Variants in TMCC1 observed in about 807,000 individuals in gnomAD.
TMCC1 encodes transmembrane and coiled-coil domains protein 1.
In TMCC1, 15 loss-of-function variants were observed where a neutral mutation model predicts 52.4. That is an observed-to-expected ratio of 0.29 (90% confidence interval 0.19 to 0.44). The LOEUF is 0.44. Among genes scored for constraint, TMCC1 ranks in the 20% least tolerant of loss-of-function variants. The probability of loss-of-function intolerance (pLI) is 1.00; values close to 1 mark genes in which losing one functional copy is unlikely to be tolerated. For synonymous variants in TMCC1, 279 were observed against 301.9 expected, an observed-to-expected ratio of 0.92 and a Z score of 0.79; for missense variants, 503 against 806.0, an observed-to-expected ratio of 0.62 and a Z score of 4.55.
intron 4 of TMCC1, among the ~76,000 whole-genome samples, chr3:129,805,550 TAC>T (rs796497084): frequency 1.5e-4 from 23 of 152,268 alleles, no homozygotes; most frequent in African/African-American, 5.3e-4. Flanking sequence ...GTCTAGCACA[TAC>T]ACAGTCTGTT....
intron 4 of TMCC1, chr3:129,688,674 C>G: frequency 1.0e-6 from 1 of 985,478 alleles, no homozygotes; most frequent in Non-Finnish European, 1.2e-6. Context: ...AAAGCTTCTG[C>G]CAAACAAGCA....
intron 2 of TMCC1, among the ~76,000 whole-genome samples, chr3:129,867,769 A>G (rs1325650400): frequency 2.0e-5 from 3 of 152,236 alleles, no homozygotes; most frequent in African/African-American, 4.8e-5. Flanking sequence ...CATAGTAGAA[A>G]TAAGTTTTTA....
chr3:129,853,854 A>G (rs1314079419), intron 2 of TMCC1, among the ~76,000 whole-genome samples: 2 of 152,150 alleles, frequency 1.3e-5, no homozygotes, highest in Non-Finnish European at 2.9e-5. Flanking sequence ...AGTGAAGAGC[A>G]CTAAGTTAAA....
chr3:129,671,181 A>G lies in TMCC1; in HGVS notation c.660T>C (p.Ser220=). ...SSTDGSIHTD[S]VDGTPDPQRT... is the part of the protein sequence containing the mutation. ...GCTGAGGGTCTGGTGTTCCATCCAC[A>G]GAGTCTGTGTGGATGCTGCCATCGG... Residue 220 remains serine (S), a synonymous_variant, in exon 5 of 7, where the codon TCT becomes TCC. Coordinates refer to ENST00000393238, the MANE Select transcript of TMCC1 (RefSeq NM_001017395.5). 1 of 1,614,186 alleles carries G rather than the reference A, an allele frequency of 6.2e-7. No homozygotes were observed. The highest frequency in any genetic ancestry group is 1.1e-5 in the South Asian group (1 of 91,084).
At chr3:129,798,524 C>CAAAAAAAAAAAAAAAAAAA (rs796919072) in intron 4 of TMCC1, among the ~76,000 whole-genome samples, 1 of 67,900 alleles carries the variant, frequency 1.5e-5, no homozygotes, top group Non-Finnish European at 3.2e-5. Context: ...TCTTCCTATC[C>CAAAAAAAAAAAAAAAAAAA]AAAAAAAAAA....
At chr3:129,728,536 G>A (rs373702535) in intron 4 of TMCC1, among the ~76,000 whole-genome samples, 3 of 152,012 alleles carry the variant, frequency 2.0e-5, no homozygotes, top group Non-Finnish European at 4.4e-5. Context: ...TGCCCATCTC[G>A]GCCTCCCAAA....
At chr3:129,682,929 G>A (rs952551815) in intron 4 of TMCC1, among the ~76,000 whole-genome samples, 1 of 152,174 alleles carries the variant, frequency 6.6e-6, no homozygotes, top group African/African-American at 2.4e-5. Flanking sequence ...TCCGCCTCCC[G>A]GGTTCAACTG....
chr3:129,770,627 G>A (rs201003618), intron 4 of TMCC1, among the ~76,000 whole-genome samples: 188 of 137,282 alleles, frequency 1.4e-3, no homozygotes, highest in African/African-American at 4.0e-3. Context: ...GAAATGAAAT[G>A]AAATGAAATA....
At chr3:129,840,957 GA>G (rs570766415) in intron 2 of TMCC1, among the ~76,000 whole-genome samples, 150 of 152,302 alleles carry the variant, frequency 9.8e-4, no homozygotes, top group African/African-American at 3.5e-3. Flanking sequence ...CTGGGTAACA[GA>G]CAGAGGCTGG....
At chr3:129,745,822 A>C (rs1378296792) in intron 4 of TMCC1, among the ~76,000 whole-genome samples, 1 of 151,378 alleles carries the variant, frequency 6.6e-6, no homozygotes, top group African/African-American at 2.4e-5. Context: ...AAATTAGCTG[A>C]GTGTGGTGGC....
chr3:129,754,960 C>A (rs983161896), intron 4 of TMCC1, among the ~76,000 whole-genome samples: 2 of 152,020 alleles, frequency 1.3e-5, no homozygotes, highest in African/African-American at 4.8e-5. Flanking sequence ...CGCCTGCAAT[C>A]CCAGCTACTC....
At chr3:129,886,512 C>T (rs116931481) in intron 1 of TMCC1, among the ~76,000 whole-genome samples, 1 of 152,250 alleles carries the variant, frequency 6.6e-6, no homozygotes, top group East Asian at 1.9e-4. Flanking sequence ...TCAGAACAGC[C>T]TACTGATGAA....
chr3:129,750,482 G>T (rs766681328), intron 4 of TMCC1, among the ~76,000 whole-genome samples: 1 of 151,686 alleles, frequency 6.6e-6, no homozygotes, highest in African/African-American at 2.4e-5. Context: ...ATGAGCCACC[G>T]TGCTCAGCCT....
At chr3:129,667,947 G>A (rs1665742638) in intron 5 of TMCC1, among the ~76,000 whole-genome samples, 2 of 152,266 alleles carry the variant, frequency 1.3e-5, no homozygotes, top group South Asian at 2.1e-4. Flanking sequence ...AGCACTTTGG[G>A]AGGCCAAGGA....
At chr3:129,808,647 T>C (rs1302966126) in intron 4 of TMCC1, among the ~76,000 whole-genome samples, 2 of 151,672 alleles carry the variant, frequency 1.3e-5, no homozygotes, top group African/African-American at 4.8e-5. Flanking sequence ...AGTGTAATCA[T>C]ATTATACTAC....
chr3:129,651,359 T>C lies in TMCC1; in HGVS notation c.*122A>G. ...TTGAAGAAAAAAACATTATTCTAAATGTAAACAGATTCACTCAACTCTTTT... is the reference window on the plus strand; with the variant it reads ...TTGAAGAAAAAAACATTATTCTAAACGTAAACAGATTCACTCAACTCTTTT... On this transcript the variant is annotated 3_prime_UTR_variant, in exon 7 of 7. Coordinates refer to ENST00000393238, the MANE Select transcript of TMCC1 (RefSeq NM_001017395.5). The surrounding 1 kb of genome is among the most constrained non-coding windows in gnomAD (Gnocchi z 5.1). 9.1e-7 allele frequency: 1 copy of C among 1,096,310 alleles called. No homozygotes were observed. Among genetic ancestry groups the C allele is most frequent in the Non-Finnish European group, 1.3e-6 (1 of 764,388 alleles). The allele number at this position is 1,096,310 out of a possible 1,614,324, so 67.9% of individuals were successfully genotyped here. A position where few individuals can be genotyped will look rare whatever the true frequency, so the allele number is the denominator to read the frequency against.
intron 2 of TMCC1, among the ~76,000 whole-genome samples, chr3:129,873,221 G>T (rs547817590): frequency 9.8e-4 from 149 of 152,098 alleles, no homozygotes; most frequent in African/African-American, 3.3e-3. Flanking sequence ...AATTAATGGA[G>T]CTTTAATTCT....
chr3:129,653,215 G>T (rs1435016095), intron 6 of TMCC1, among the ~76,000 whole-genome samples: 2 of 152,194 alleles, frequency 1.3e-5, no homozygotes, highest in South Asian at 2.1e-4. Context: ...CCCCCTTGGG[G>T]ATTTTTAGGT....
At chr3:129,736,568 C>T (rs910836339) in intron 4 of TMCC1, among the ~76,000 whole-genome samples, 8 of 149,022 alleles carry the variant, frequency 5.4e-5, no homozygotes, top group Non-Finnish European at 1.5e-5. Context: ...GCTGCCCAGG[C>T]TGGAATGCAA....
Sources: allele counts gnomAD v4.1 joint callset (sites outside exome capture counted in the v4.1 genomes callset), GRCh38; gene constraint gnomAD v4.1.1; non-coding constraint Gnocchi (gnomAD v3.1); transcripts MANE v1.5; gene names NCBI Gene and HGNC (gene_info 2026-07-23, HGNC 2026-07-21).